SCHIP1: variants seen among roughly 807,000 people sequenced by gnomAD.
SCHIP1 encodes schwannomin-interacting protein 1.
SCHIP1 carries 8 observed loss-of-function variants against 29.7 expected under a neutral mutation model. The ratio of observed to expected loss-of-function variants is 0.27; its 90% confidence interval spans 0.16 to 0.49. The LOEUF (loss-of-function observed/expected upper bound fraction) is 0.49, where lower values mean the gene tolerates loss of function less well. SCHIP1 is among the 20% of genes least tolerant of loss of function. SCHIP1 has a pLI of 0.99. For missense variants in SCHIP1, 193 were observed against 294.6 expected (o/e 0.66, Z 2.52); for synonymous variants, 76 against 94.9 (o/e 0.80, Z 1.16).
chr3:159,655,569 G>C, the SCHIP1 span, among the ~76,000 whole-genome samples: 1 of 152,252 alleles, frequency 6.6e-6, no homozygotes, highest in African/African-American at 2.4e-5. Context: ...ATGTTACCAA[G>C]AGAGAAGGGG....
At chr3:159,534,721 A>G in the SCHIP1 span, among the ~76,000 whole-genome samples, 1 of 152,334 alleles carries the variant, frequency 6.6e-6, no homozygotes, top group South Asian at 2.1e-4. Flanking sequence ...TGTAAGCCAC[A>G]AAGGAGAGGG....
chr3:159,632,580 G>C, the SCHIP1 span, among the ~76,000 whole-genome samples: 1 of 152,184 alleles, frequency 6.6e-6, no homozygotes, highest in Non-Finnish European at 1.5e-5. Context: ...CCCTTTGTCA[G>C]AGAGAAAGCA....
At chr3:159,799,500 C>T in the SCHIP1 span, among the ~76,000 whole-genome samples, 1 of 152,202 alleles carries the variant, frequency 6.6e-6, no homozygotes, top group African/African-American at 2.4e-5. Context: ...GCCAGGGATA[C>T]GGGTGACCGG....
At chr3:159,794,001 C>T in the SCHIP1 span, among the ~76,000 whole-genome samples, 7 of 152,182 alleles carry the variant, frequency 4.6e-5, no homozygotes, top group South Asian at 6.2e-4. Context: ...TAACTACATT[C>T]GGCCCACCCG....
the SCHIP1 span, among the ~76,000 whole-genome samples, chr3:159,756,812 C>T: frequency 6.6e-6 from 1 of 152,196 alleles, no homozygotes; most frequent in Non-Finnish European, 1.5e-5. Context: ...CTCTCAAGTT[C>T]AAAGTTCCAC....
chr3:159,491,902 C>G, the SCHIP1 span, among the ~76,000 whole-genome samples: 5 of 152,212 alleles, frequency 3.3e-5, no homozygotes, highest in African/African-American at 1.2e-4. Context: ...TGAGACAAAA[C>G]TTCCAGAGGA....
chr3:159,540,116 C>G, the SCHIP1 span, among the ~76,000 whole-genome samples: 1 of 152,052 alleles, frequency 6.6e-6, no homozygotes, highest in Non-Finnish European at 1.5e-5. Context: ...TTCCCTTCCT[C>G]TTCCCCACTT....
chr3:159,588,025 A>T, the SCHIP1 span, among the ~76,000 whole-genome samples: 5,620 of 152,230 alleles, frequency 0.037, 254 homozygotes, highest in East Asian at 0.17. Context: ...CTAGTTCTAG[A>T]TCCCTGAGAA....
chr3:159,600,101 T>A, the SCHIP1 span, among the ~76,000 whole-genome samples: 1 of 152,194 alleles, frequency 6.6e-6, no homozygotes, highest in Non-Finnish European at 1.5e-5. Flanking sequence ...GAGGTTTCCT[T>A]TATAGGTGAC....
chr3:159,780,129 C>G, the SCHIP1 span, among the ~76,000 whole-genome samples: 59 of 152,276 alleles, frequency 3.9e-4, no homozygotes, highest in Admixed American at 1.8e-3. Flanking sequence ...AGCTCCAGTT[C>G]CTTCTCCTCC....
At chr3:159,739,194 G>GA in the SCHIP1 span, among the ~76,000 whole-genome samples, 5 of 152,126 alleles carry the variant, frequency 3.3e-5, no homozygotes, top group African/African-American at 7.2e-5. Flanking sequence ...TATTGTCCTG[G>GA]AAAAAATGTC....
the SCHIP1 span, among the ~76,000 whole-genome samples, chr3:159,384,046 A>G: frequency 2.8e-4 from 42 of 151,670 alleles, no homozygotes; most frequent in African/African-American, 7.5e-4. Context: ...CAATCATGTC[A>G]TCTGCAAAGA....
chr3:159,274,120 T>G, the SCHIP1 span: 1 of 985,360 alleles, frequency 1.0e-6, no homozygotes, highest in Non-Finnish European at 1.2e-6. Flanking sequence ...GAATCTAAGT[T>G]TGAGTGTTCT....
the SCHIP1 span, among the ~76,000 whole-genome samples, chr3:159,702,744 G>T: frequency 6.6e-6 from 1 of 152,206 alleles, no homozygotes; most frequent in South Asian, 2.1e-4. Context: ...GAAACAGAAA[G>T]TGCAATTGTA....
the SCHIP1 span, among the ~76,000 whole-genome samples, chr3:159,711,650 T>A: frequency 5.9e-5 from 9 of 152,212 alleles, no homozygotes; most frequent in African/African-American, 2.2e-4. Context: ...TTATCAGAAC[T>A]GAAATAGGGC....
At chr3:159,395,473 C>T in the SCHIP1 span, among the ~76,000 whole-genome samples, 14 of 151,572 alleles carry the variant, frequency 9.2e-5, no homozygotes, top group Admixed American at 8.5e-4. Flanking sequence ...ATAAATTTCC[C>T]TCTACACACT....
the SCHIP1 span, among the ~76,000 whole-genome samples, chr3:159,430,658 TCCTGGGGTGAAAGC>T: frequency 6.6e-6 from 1 of 152,130 alleles, no homozygotes; most frequent in Non-Finnish European, 1.5e-5. Context: ...ATCTAGACAC[TCCTGGGGTGAAAGC>T]CCCATGTGAG....
chr3:159,836,801 C>T (rs567761878), upstream of SCHIP1, among the ~76,000 whole-genome samples: 1 of 152,240 alleles, frequency 6.6e-6, no homozygotes, highest in South Asian at 2.1e-4. Flanking sequence ...TTAAAGATAA[C>T]AAATGTTACT....
At chr3:159,509,756 G>T in the SCHIP1 span, among the ~76,000 whole-genome samples, 1 of 152,134 alleles carries the variant, frequency 6.6e-6, no homozygotes, top group African/African-American at 2.4e-5. Context: ...TGAAATTCTG[G>T]GTTGAAACTT....
Sources: allele counts gnomAD v4.1 joint callset (sites outside exome capture counted in the v4.1 genomes callset), GRCh38; gene constraint gnomAD v4.1.1; transcripts MANE v1.5; gene names NCBI Gene and HGNC (gene_info 2026-07-23, HGNC 2026-07-21).